Variants in ANKRD44 observed in about 807,000 individuals in gnomAD.
The protein encoded by ANKRD44 is ankyrin repeat domain 44, also known as serine/threonine-protein phosphatase 6 regulatory ankyrin repeat subunit B.
In ANKRD44, 35 loss-of-function variants were observed where a neutral mutation model predicts 116.0. The observed-to-expected ratio is 0.30, with a 90% confidence interval of 0.23 to 0.40. The LOEUF is 0.40. Among genes scored for constraint, ANKRD44 ranks in the 10% least tolerant of loss-of-function variants. The probability of loss-of-function intolerance (pLI) is 1.00; values close to 1 mark genes in which losing one functional copy is unlikely to be tolerated. For missense variants in ANKRD44, 1,014 were observed against 1,242.6 expected (o/e 0.82, Z 2.77); for synonymous variants, 435 against 461.8 (o/e 0.94, Z 0.74).
At chr2:197,121,310 A>C (rs2078847522) in intron 8 of ANKRD44, 22 bp downstream of exon 8, 3 of 1,607,446 alleles carry the variant, frequency 1.9e-6, no homozygotes, top group Non-Finnish European at 1.7e-6. Context: ...GGCATTCAAC[A>C]CAGAGACTAA....
chr2:197,203,367 C>T lies in ANKRD44; in HGVS notation c.28-16261G>A, dbSNP rs76006979. Among the ~76,000 whole-genome samples, 2,452 of 152,270 alleles carry T rather than the reference C, an allele frequency of 0.016. 81 individuals carry two copies. The highest frequency in any genetic ancestry group is 0.055 in the African/African-American group (2,291 of 41,540). ...AGAGAATATAAATCTCTAAGAACTA[C>T]TTCACCATTTCTGGTGTGTGTGAGA... On this transcript the variant is annotated intron_variant, in intron 1 of 27. Transcript: ENST00000282272. The surrounding 1 kb of genome is among the most constrained non-coding windows in gnomAD (Gnocchi z 4.1).
chr2:197,015,827 G>C, intron 17 of ANKRD44: 1 of 509,564 alleles, frequency 2.0e-6, no homozygotes, highest in Non-Finnish European at 3.7e-6. Flanking sequence ...AATGAAGGAG[G>C]AAACTTTGGT....
At chr2:197,073,060 G>A (rs1460385202) in intron 16 of ANKRD44, among the ~76,000 whole-genome samples, 3 of 152,114 alleles carry the variant, frequency 2.0e-5, no homozygotes, top group South Asian at 2.1e-4. Flanking sequence ...AGTGGGTAAC[G>A]AGACATGGCT....
chr2:196,976,163 G>A (rs1014457074), intron 21 of ANKRD44, among the ~76,000 whole-genome samples: 2 of 151,950 alleles, frequency 1.3e-5, no homozygotes, highest in Non-Finnish European at 2.9e-5. Flanking sequence ...ATGGAGTCTC[G>A]CTCTGTCGCC....
At chr2:197,073,794 G>C (rs1056901417) in intron 16 of ANKRD44, among the ~76,000 whole-genome samples, 1 of 152,134 alleles carries the variant, frequency 6.6e-6, no homozygotes, top group Non-Finnish European at 1.5e-5. Flanking sequence ...TTTAGAAATG[G>C]GGAAGGGGGC....
At chr2:197,225,592 C>G (rs995284879) in intron 1 of ANKRD44, among the ~76,000 whole-genome samples, 4 of 152,208 alleles carry the variant, frequency 2.6e-5, no homozygotes, top group African/African-American at 9.6e-5. Flanking sequence ...GATCTACCCG[C>G]CTCAGCCTGC....
At chr2:197,125,805 G>A (rs1158435737) in intron 5 of ANKRD44, 32 bp downstream of exon 5, 2 of 1,606,688 alleles carry the variant, frequency 1.2e-6, no homozygotes, top group East Asian at 4.5e-5. Context: ...CCTGGAGGGA[G>A]CGTTCCAATT....
intron 1 of ANKRD44, among the ~76,000 whole-genome samples, chr2:197,235,020 T>C (rs1338975327): frequency 1.3e-5 from 2 of 152,230 alleles, no homozygotes; most frequent in African/African-American, 2.4e-5. Context: ...ATCAGCCCTA[T>C]GTTTCACTCA....
intron 16 of ANKRD44, among the ~76,000 whole-genome samples, chr2:197,073,642 T>C (rs998149814): frequency 1.1e-4 from 17 of 152,184 alleles, no homozygotes; most frequent in African/African-American, 4.1e-4. Context: ...GCAATCTCCC[T>C]GAAGCTTCCC....
intron 1 of ANKRD44, among the ~76,000 whole-genome samples, chr2:197,286,475 A>G (rs937841396): frequency 2.6e-5 from 4 of 151,628 alleles, no homozygotes; most frequent in Non-Finnish European, 4.4e-5. Context: ...CCTGGGCCCA[A>G]TTGATCCTCC....
intron 15 of ANKRD44, among the ~76,000 whole-genome samples, 189 bp from the exon 16 acceptor site, chr2:197,079,003 T>C (rs1243868061): frequency 2.0e-5 from 2 of 99,652 alleles, no homozygotes; most frequent in African/African-American, 2.8e-5. Flanking sequence ...GTGTGTATGT[T>C]TTCTGTAGCT....
At chr2:197,151,006 A>G (rs79085548) in intron 2 of ANKRD44, among the ~76,000 whole-genome samples, 2,297 of 152,086 alleles carry the variant, frequency 0.015, 26 homozygotes, top group Non-Finnish European at 0.022. Flanking sequence ...TCCACTGAGC[A>G]TTCACATCCC....
At chr2:197,140,123 C>T (rs1219452706) in intron 3 of ANKRD44, among the ~76,000 whole-genome samples, 3 of 136,432 alleles carry the variant, frequency 2.2e-5, no homozygotes, top group African/African-American at 3.2e-5. Context: ...CTCAGGTGAT[C>T]TACCTGCCTC....
At chr2:197,287,572 A>T (rs1414626532) in intron 1 of ANKRD44, among the ~76,000 whole-genome samples, 1 of 152,220 alleles carries the variant, frequency 6.6e-6, no homozygotes, top group Non-Finnish European at 1.5e-5. Flanking sequence ...AAAGCCAAAC[A>T]AATCCATTCA....
chr2:196,973,102 A>C (rs1033951451), intron 21 of ANKRD44, among the ~76,000 whole-genome samples: 6 of 152,192 alleles, frequency 3.9e-5, no homozygotes, highest in South Asian at 2.1e-4. Context: ...CCTGTTTTTC[A>C]GCCAGCACCA....
Position 197,089,999 on chromosome 2 carries a change from T to C in ANKRD44, c.1134A>G (p.Leu378=). The C allele has an allele frequency of 6.2e-7, 1 of 1,614,078 alleles. No homozygotes were observed. The highest frequency in any genetic ancestry group is 8.5e-7 in the Non-Finnish European group (1 of 1,179,968). ...CGIHSMFPLH[L]AALNAHSDCC... The stretch of plus-strand genomic sequence containing the variant: ...AGTCAGAGTGAGCATTTAGGGCAGC[T>C]AAATGTAAAGGGAACATGCTATGGA... The change falls in exon 11 of 28, where the codon TTA becomes TTG. Residue 378 remains leucine, a synonymous_variant. Transcript: ENST00000282272.
At chr2:197,176,452 AC>A (rs1188980059) in intron 2 of ANKRD44, among the ~76,000 whole-genome samples, 1 of 152,142 alleles carries the variant, frequency 6.6e-6, no homozygotes, top group Non-Finnish European at 1.5e-5. Flanking sequence ...TTGCTCAAGG[AC>A]CCATAGAACC....
intron 14 of ANKRD44, 33 bp downstream of exon 14, chr2:197,083,336 T>C (rs1306619751): frequency 1.3e-6 from 2 of 1,599,692 alleles, no homozygotes; most frequent in Admixed American, 1.7e-5. Flanking sequence ...CCAACCCTGT[T>C]CCCAGAGGAA....
intron 1 of ANKRD44, among the ~76,000 whole-genome samples, chr2:197,275,780 T>A (rs1294625957): frequency 6.6e-6 from 1 of 152,122 alleles, no homozygotes; most frequent in Non-Finnish European, 1.5e-5. Flanking sequence ...AGTCCTACAG[T>A]GCTCTAGAAA....
Sources: allele counts gnomAD v4.1 joint callset (sites outside exome capture counted in the v4.1 genomes callset), GRCh38; gene constraint gnomAD v4.1.1; non-coding constraint Gnocchi (gnomAD v3.1); transcripts MANE v1.5; gene names NCBI Gene and HGNC (gene_info 2026-07-23, HGNC 2026-07-21).